The following MAP1B variants were observed in gnomAD, a reference collection of about 807,000 sequenced individuals.
The protein encoded by MAP1B is microtubule-associated protein 1B.
In MAP1B, 12 loss-of-function variants were observed where a neutral mutation model predicts 176.1. The observed-to-expected ratio is 0.07, with a 90% CI of 0.04 to 0.11. The LOEUF (loss-of-function observed/expected upper bound fraction) is 0.11, where lower values mean the gene tolerates loss of function less well. MAP1B is among the 10% of genes least tolerant of loss of function. MAP1B has a pLI of 1.00. For missense variants in MAP1B, 2,523 were observed against 2,990.5 expected, an observed-to-expected ratio of 0.84 and a Z score of 3.65; for synonymous variants, 1,044 against 1,135.0, an observed-to-expected ratio of 0.92 and a Z score of 1.61.
Position 72,200,197 on chromosome 5 carries a change from C to T in MAP1B, c.6842C>T (p.Ser2281Leu), listed in dbSNP as rs749706084. 1.4e-5 allele frequency: 23 copies of T among 1,614,116 alleles called. No individual in the cohort carries two copies. The highest frequency in any genetic ancestry group is 9.9e-5 in the South Asian group (9 of 91,090). ...AAACCAGCGGGCTTGAAAGAATCCT[C>T]GGATAAAGTGTCCAGGGTGGCTTCT... The part of the protein sequence containing the change: ...SPKPAGLKES[S>L]DKVSRVASPK... The change falls in exon 5 of 7, where the codon TCG becomes TTG. Residue 2281 changes from serine (S) to leucine (L), a missense_variant. Coordinates refer to ENST00000296755, the MANE Select transcript of MAP1B (RefSeq NM_005909.5).
At chr5:72,108,349 A>G (rs186238323) in intron 1 of MAP1B, among the ~76,000 whole-genome samples, 6 of 151,106 alleles carry the variant, frequency 4.0e-5, no homozygotes, top group African/African-American at 7.3e-5. Context: ...GCCACCAGAC[A>G]GAGCCCGCCT....
In MAP1B at chr5:72,145,995, T is replaced by C. The variant is rs1746038950; in HGVS notation, c.286+30196T>C. Among the ~76,000 whole-genome samples, 4 of 152,182 alleles carry C rather than the reference T, an allele frequency of 2.6e-5. No homozygotes were observed. The South Asian group carries it at 8.3e-4, about 32-fold the overall frequency. The stretch of plus-strand genomic sequence containing the variant: ...GGATGGCTCAAGTTGGATAAAGAGA[T>C]AGGTCAAAGAAGAGACGCATTGGGA... On this transcript the variant is annotated intron_variant, in intron 2 of 6. Transcript: ENST00000296755.
chr5:72,146,032 A>G (rs1467750984), intron 2 of MAP1B, among the ~76,000 whole-genome samples: 1 of 152,230 alleles, frequency 6.6e-6, no homozygotes, highest in Non-Finnish European at 1.5e-5. Flanking sequence ...TGATTTTGGA[A>G]AGCTAGGTAA....
At position 72,203,548 on chromosome 5, in the gene MAP1B, G is replaced by GTC. The variant is rs58575648; in HGVS notation, c.7013-14_7013-13insCT. ...CTTGCTATGACCTTGCTTTGTCTTT[G>GTC]TTTATTTACCCAAGGACCAGGAACT... On this transcript the variant is annotated splice_polypyrimidine_tract_variant and intron_variant, in intron 5 of 6. Transcript: ENST00000296755. 2.0e-3 allele frequency: 3,260 copies of GTC among 1,600,074 alleles called. 51 individuals carry two copies. The African/African-American group carries it at 0.039, about 19-fold the overall frequency.
At chr5:72,118,814 G>C (rs1272541219) in intron 2 of MAP1B, among the ~76,000 whole-genome samples, 1 of 152,146 alleles carries the variant, frequency 6.6e-6, no homozygotes, top group Non-Finnish European at 1.5e-5. Context: ...TATGACATAA[G>C]TAAATTAAGG....
At chr5:72,111,364 A>G (rs1745335725) in intron 1 of MAP1B, among the ~76,000 whole-genome samples, 1 of 152,236 alleles carries the variant, frequency 6.6e-6, no homozygotes. Context: ...ACTGGGAATC[A>G]GCAAGATTTG....
chr5:72,183,529 G>A (rs1015681943), intron 2 of MAP1B, among the ~76,000 whole-genome samples: 3 of 152,188 alleles, frequency 2.0e-5, no homozygotes, highest in African/African-American at 4.8e-5. Flanking sequence ...AGGAGCCCCC[G>A]ACCACACAAA....
At chr5:72,122,708 G>T (rs1745552413) in intron 2 of MAP1B, among the ~76,000 whole-genome samples, 2 of 150,506 alleles carry the variant, frequency 1.3e-5, no homozygotes, top group Non-Finnish European at 2.9e-5. Flanking sequence ...CTCTCACGCA[G>T]TTCCTAATGG....
At chr5:72,134,016 C>T (rs183548899) in intron 2 of MAP1B, among the ~76,000 whole-genome samples, 318 of 152,296 alleles carry the variant, frequency 2.1e-3, no homozygotes, top group African/African-American at 7.3e-3. Context: ...CTCCAGCTTC[C>T]GCCAAAAGTG....
intron 2 of MAP1B, among the ~76,000 whole-genome samples, chr5:72,116,769 G>C (rs1579980029): frequency 1.3e-5 from 2 of 152,044 alleles, no homozygotes; most frequent in East Asian, 3.9e-4. Context: ...GCTATTTTCT[G>C]CCCATATGCT....
At chr5:72,173,251 C>T (rs1746580609) in intron 2 of MAP1B, among the ~76,000 whole-genome samples, 1 of 152,210 alleles carries the variant, frequency 6.6e-6, no homozygotes, top group Non-Finnish European at 1.5e-5. Context: ...GTATCAGACC[C>T]TCCTTATGAC....
intron 2 of MAP1B, among the ~76,000 whole-genome samples, chr5:72,159,219 T>C (rs1205076944): frequency 6.6e-6 from 1 of 152,164 alleles, no homozygotes; most frequent in African/African-American, 2.4e-5. Context: ...AGATGAAAGA[T>C]TGTAAAAAGG....
chr5:72,163,270 C>G (rs1746362103), intron 2 of MAP1B, among the ~76,000 whole-genome samples: 1 of 150,570 alleles, frequency 6.6e-6, no homozygotes, highest in African/African-American at 2.4e-5. Flanking sequence ...ATAGAGAAAC[C>G]TAAGGAGAGA....
Position 72,203,799 on chromosome 5 carries a change from C to A in MAP1B, c.7249C>A (p.Gln2417Lys). 6.2e-7 allele frequency: 1 copy of A among 1,611,862 alleles called. No individual in the cohort carries two copies. Among genetic ancestry groups the A allele is most frequent in the Non-Finnish European group, 8.5e-7 (1 of 1,179,646 alleles). The change falls in exon 6 of 7, where the codon CAG becomes AAG. Residue 2417 changes from glutamine (Q) to lysine (K), a missense_variant and splice_region_variant. Physicochemically the swap from Gln to Lys is moderately conservative, Grantham distance 53. Transcript: ENST00000296755. ...AAAGGCTCAGTGGGGCAGCAACATG[C>A]AGGTGAGAACTCCTCGACAGTGTCT... The part of the protein sequence containing the change: ...EGKAQWGSNM[Q>K]VTLIPTHDSE...
chr5:72,130,483 T>G (rs1579987484), intron 2 of MAP1B, among the ~76,000 whole-genome samples: 1 of 152,188 alleles, frequency 6.6e-6, no homozygotes, highest in South Asian at 2.1e-4. Context: ...AGCGCTTAGG[T>G]TTGAAAAATA....
chr5:72,110,457 A>G (rs1745309828), intron 1 of MAP1B, among the ~76,000 whole-genome samples: 1 of 152,146 alleles, frequency 6.6e-6, no homozygotes, highest in Admixed American at 6.5e-5. Flanking sequence ...CTAAGTGAAA[A>G]TCCTGCTCCC....
chr5:72,114,334 A>T (rs997659040), intron 1 of MAP1B, among the ~76,000 whole-genome samples: 1 of 152,206 alleles, frequency 6.6e-6, no homozygotes, highest in Non-Finnish European at 1.5e-5. Context: ...TGTGTATTTA[A>T]GTAACACACT....
intron 2 of MAP1B, among the ~76,000 whole-genome samples, chr5:72,119,093 A>G (rs1028666781): frequency 6.6e-6 from 1 of 152,236 alleles, no homozygotes; most frequent in Non-Finnish European, 1.5e-5. Flanking sequence ...CTTGAATAAT[A>G]TCCTTTGAGC....
At chr5:72,158,720 T>C (rs1325960798) in intron 2 of MAP1B, among the ~76,000 whole-genome samples, 2 of 152,222 alleles carry the variant, frequency 1.3e-5, no homozygotes, top group Non-Finnish European at 2.9e-5. Flanking sequence ...AATAAAAAGC[T>C]GGTGCCCTTA....
Sources: allele counts gnomAD v4.1 joint callset (sites outside exome capture counted in the v4.1 genomes callset), GRCh38; gene constraint gnomAD v4.1.1; transcripts MANE v1.5; gene names NCBI Gene and HGNC (gene_info 2026-07-23, HGNC 2026-07-21).